Variants in SPAG17 observed in about 807,000 individuals in gnomAD.
The protein encoded by SPAG17 is sperm associated antigen 17.
Under a neutral mutation model 273.6 loss-of-function variants are expected in SPAG17, and 169 were observed. The observed-to-expected ratio is 0.62, with a 90% CI of 0.55 to 0.70. The LOEUF (loss-of-function observed/expected upper bound fraction) is 0.70, where lower values mean the gene tolerates loss of function less well. SPAG17 is among the 30% of genes least tolerant of loss of function. The probability of loss-of-function intolerance (pLI) is 0.00; values close to 1 mark genes in which losing one functional copy is unlikely to be tolerated. For synonymous variants in SPAG17, 825 were observed against 873.2 expected, an observed-to-expected ratio of 0.94 and a Z score of 0.97; for missense variants, 2,557 against 2,627.8, an observed-to-expected ratio of 0.97 and a Z score of 0.59.
At position 118,097,706 on chromosome 1, in the gene SPAG17, A is replaced by G. The variant is rs1329904876; in HGVS notation, c.975T>C (p.Ala325=). The G allele has an allele frequency of 6.2e-7, 1 of 1,607,148 alleles. No individual in the cohort carries two copies. The highest frequency in any genetic ancestry group is 1.1e-5 in the South Asian group (1 of 89,378). The change falls in exon 7 of 49, where the codon GCT becomes GCC. Residue 325 remains alanine (A), a synonymous_variant. Coordinates refer to ENST00000336338, the MANE Select transcript of SPAG17 (RefSeq NM_206996.4). ...CATCTGACCAGTCAGAAGGAAAATCAGCTGCTTTGACCATGTACTCAAGTC... is the reference window on the plus strand; with the variant it reads ...CATCTGACCAGTCAGAAGGAAAATCGGCTGCTTTGACCATGTACTCAAGTC... ...VARLEYMVKA[A]DFPSDWSDGE...
At chr1:118,126,545 C>T (rs1469558889) in intron 3 of SPAG17, among the ~76,000 whole-genome samples, 1 of 151,824 alleles carries the variant, frequency 6.6e-6, no homozygotes, top group Non-Finnish European at 1.5e-5. Flanking sequence ...GATTTTCTTG[C>T]TGTTAAGTTT....
At chr1:117,982,497 T>C (rs1655949563) in intron 42 of SPAG17, among the ~76,000 whole-genome samples, 1 of 152,182 alleles carries the variant, frequency 6.6e-6, no homozygotes, top group Non-Finnish European at 1.5e-5. Flanking sequence ...CGCTTTGGCC[T>C]CCTAAAGTGC....
At chr1:117,954,219 C>A in intron 48 of SPAG17, 170 bp from the exon 49 acceptor site, 1 of 824,100 alleles carries the variant, frequency 1.2e-6, no homozygotes, top group Non-Finnish European at 1.9e-6. Context: ...AGAATCTTTC[C>A]AACTCACTAT....
chr1:118,039,206 T>G, intron 23 of SPAG17, 86 bp downstream of exon 23: 1 of 1,377,618 alleles, frequency 7.3e-7, no homozygotes. Context: ...AAAAAGAACA[T>G]GCAATAAGCC....
chr1:118,052,474 T>C (rs1231052779), intron 20 of SPAG17, among the ~76,000 whole-genome samples: 1 of 151,916 alleles, frequency 6.6e-6, no homozygotes. Flanking sequence ...AAGAGATCTA[T>C]TGTACAACAT....
chr1:118,071,463 A>G (rs557356378), intron 17 of SPAG17, among the ~76,000 whole-genome samples: 62 of 152,276 alleles, frequency 4.1e-4, no homozygotes, highest in African/African-American at 1.5e-3. Flanking sequence ...CAGCCTGGCC[A>G]ACATGGTGAA....
rs192819445 is a variant in SPAG17 at position 118,056,545 on chromosome 1, T to G, written c.2541-631A>C. On this transcript the variant is annotated intron_variant, in intron 18 of 48. Transcript: ENST00000336338. The stretch of plus-strand genomic sequence containing the variant: ...CACTTATACTGACTAGTGTAATTAT[T>G]TAAATTAAATATTATATACACTTAT... Among the ~76,000 whole-genome samples the G allele has an allele frequency of 5.3e-5, 8 of 152,328 alleles. No homozygotes were observed. In the East Asian group the frequency reaches 1.5e-3, roughly 29 times the overall value.
chr1:117,975,620 A>G (rs1655047533), intron 43 of SPAG17, among the ~76,000 whole-genome samples: 1 of 152,166 alleles, frequency 6.6e-6, no homozygotes, highest in Admixed American at 6.5e-5. Context: ...CCCATTCGTG[A>G]ATCACCGTCT....
chr1:117,957,186 T>C lies in SPAG17; in HGVS notation c.*1-3137A>G, dbSNP rs772971454. The stretch of plus-strand genomic sequence containing the variant: ...TGAACTTATATGCCGGTGCCTCTTC[T>C]TCCTCCTTAGGTAACATCCTTTTCC... On this transcript the variant is annotated intron_variant, in intron 48 of 48. Coordinates refer to ENST00000336338, the MANE Select transcript of SPAG17 (RefSeq NM_206996.4). 9 of 1,611,596 alleles carry C rather than the reference T, an allele frequency of 5.6e-6. No homozygotes were observed. In the African/African-American group the frequency reaches 8.0e-5, roughly 14 times the overall value.
chr1:118,055,517 T>TG (rs893468586), intron 19 of SPAG17, among the ~76,000 whole-genome samples: 1 of 152,028 alleles, frequency 6.6e-6, no homozygotes, highest in African/African-American at 2.4e-5. Context: ...TGACAAGAAG[T>TG]GGGGGGTCAA....
intron 1 of SPAG17, among the ~76,000 whole-genome samples, chr1:118,154,686 C>T (rs575452951): frequency 2.0e-5 from 3 of 151,938 alleles, no homozygotes; most frequent in East Asian, 1.9e-4. Flanking sequence ...ATATCCTATC[C>T]CAACATGCAG....
At chr1:117,963,418 C>G (rs1653373530) in intron 48 of SPAG17, 1 of 150,548 alleles carries the variant, frequency 6.6e-6, no homozygotes, top group Non-Finnish European at 1.5e-5. Context: ...GGCTGGAGTG[C>G]AGTGGCACGA....
chr1:118,179,195 T>G (rs1012396032), intron 1 of SPAG17, among the ~76,000 whole-genome samples: 2 of 151,830 alleles, frequency 1.3e-5, no homozygotes, highest in Non-Finnish European at 2.9e-5. Context: ...GATTTCAAAA[T>G]ATAGTAAACA....
intron 32 of SPAG17, among the ~76,000 whole-genome samples, chr1:117,998,402 T>C: frequency 6.6e-6 from 1 of 152,076 alleles, no homozygotes; most frequent in African/African-American, 2.4e-5. Context: ...CTATTTGGTT[T>C]CATTGGTCTA....
chr1:118,171,770 G>T (rs924008792), intron 1 of SPAG17, among the ~76,000 whole-genome samples: 1 of 152,026 alleles, frequency 6.6e-6, no homozygotes, highest in African/African-American at 2.4e-5. Context: ...TGACGTAAGA[G>T]ACCAAATATT....
intron 3 of SPAG17, among the ~76,000 whole-genome samples, chr1:118,147,635 TATAA>T (rs1218203479): frequency 1.3e-5 from 2 of 152,216 alleles, no homozygotes; most frequent in African/African-American, 4.8e-5. Flanking sequence ...AACTATGGTT[TATAA>T]ATAAAGACTT....
intron 37 of SPAG17, 110 bp downstream of exon 37, chr1:117,991,305 C>T: frequency 1.7e-6 from 1 of 594,352 alleles, no homozygotes; most frequent in Non-Finnish European, 2.8e-6. Context: ...GAGGAGGGAG[C>T]AAATGCTTCA....
chr1:117,969,606 AAACAAATATGATTTC>A (rs2101486277), intron 46 of SPAG17, among the ~76,000 whole-genome samples: 1 of 152,170 alleles, frequency 6.6e-6, no homozygotes, highest in African/African-American at 2.4e-5. Context: ...AAATATAAAT[AAACAAATATGATTTC>A]TTAGTATGGC....
rs571586090 is a variant in SPAG17, at chr1:118,184,998, G to A, written c.87+73C>T. On this transcript the variant is annotated intron_variant, in intron 1 of 48. Transcript: ENST00000336338. ...CGGAAGAGAGGGCGAGCCTTAAGGC[G>A]TCGCCTAGGAGGGTCTGGCCGGGCC... 74 of 1,290,316 alleles carry A rather than the reference G, an allele frequency of 5.7e-5. No homozygotes were observed. In the Admixed American group the frequency reaches 1.1e-3, roughly 19 times the overall value. 79.9% of individuals were successfully genotyped at this position (1,290,316 alleles called of 1,614,324 possible). A position where few individuals can be genotyped will look rare whatever the true frequency, so the allele number is the denominator to read the frequency against.
Sources: allele counts gnomAD v4.1 joint callset (sites outside exome capture counted in the v4.1 genomes callset), GRCh38; gene constraint gnomAD v4.1.1; transcripts MANE v1.5; gene names NCBI Gene and HGNC (gene_info 2026-07-23, HGNC 2026-07-21).